Variants in CNTNAP2 observed in about 807,000 individuals in gnomAD.
CNTNAP2 encodes the protein contactin-associated protein-like 2.
Under a neutral mutation model 155.2 loss-of-function variants are expected in CNTNAP2, and 98 were observed. The observed-to-expected ratio is 0.63, with a 90% CI of 0.54 to 0.75. The LOEUF (loss-of-function observed/expected upper bound fraction) is 0.75, where lower values mean the gene tolerates loss of function less well. CNTNAP2 is among the 30% of genes least tolerant of loss of function. The probability of loss-of-function intolerance (pLI) is 0.00; values close to 1 mark genes in which losing one functional copy is unlikely to be tolerated. For synonymous variants in CNTNAP2, 651 were observed against 631.2 expected (o/e 1.03, Z -0.47); for missense variants, 1,727 against 1,688.1 (o/e 1.02, Z -0.40).
At chr7:146,852,118 T>C (rs981375949) in intron 3 of CNTNAP2, among the ~76,000 whole-genome samples, 2 of 152,130 alleles carry the variant, frequency 1.3e-5, no homozygotes, top group Non-Finnish European at 2.9e-5. Flanking sequence ...TTCTGAGACA[T>C]TGGGGGTTGG....
At chr7:148,045,992 A>G (rs574445867) in intron 15 of CNTNAP2, among the ~76,000 whole-genome samples, 52 of 152,382 alleles carry the variant, frequency 3.4e-4, no homozygotes, top group Middle Eastern at 3.4e-3. Context: ...TACATAATAC[A>G]TTATGATCAA....
intron 14 of CNTNAP2, among the ~76,000 whole-genome samples, chr7:147,948,727 T>C (rs892928714): frequency 1.1e-4 from 17 of 151,208 alleles, no homozygotes; most frequent in Non-Finnish European, 1.6e-4. Flanking sequence ...TAGGGCTATG[T>C]CCTGCACAGT....
intron 13 of CNTNAP2, among the ~76,000 whole-genome samples, chr7:147,895,490 T>A (rs531959277): frequency 6.6e-6 from 1 of 152,354 alleles, no homozygotes; most frequent in African/African-American, 2.4e-5. Context: ...TAGCTCTAGT[T>A]AACTTAGAAT....
intron 12 of CNTNAP2, among the ~76,000 whole-genome samples, chr7:147,637,348 A>G (rs573041754): frequency 7.2e-4 from 109 of 152,248 alleles, no homozygotes; most frequent in African/African-American, 2.3e-3. Context: ...CACTGAAGGT[A>G]GAGCAGAGAG....
intron 1 of CNTNAP2, among the ~76,000 whole-genome samples, chr7:146,632,907 G>A (rs537583841): frequency 1.3e-5 from 2 of 150,432 alleles, no homozygotes; most frequent in South Asian, 2.1e-4. Flanking sequence ...TGATGTGGTC[G>A]CTTGAAAGAC....
intron 1 of CNTNAP2, among the ~76,000 whole-genome samples, chr7:146,535,743 C>G (rs1797858991): frequency 6.6e-6 from 1 of 151,768 alleles, no homozygotes. Context: ...CCAAAGGATA[C>G]TTTTCTAACC....
rs76168894 is a variant in CNTNAP2 at position 147,402,712 on chromosome 7, G to A, written c.1670+6932G>A. ...ATAAATCATGGCATATGTGTTGTTG[G>A]GGAGAGGTTAGGCATTAGGGACAGC... On this transcript the variant is annotated intron_variant, in intron 10 of 23. Coordinates refer to ENST00000361727, the MANE Select transcript of CNTNAP2 (RefSeq NM_014141.6). Among the ~76,000 whole-genome samples, 18 of 152,160 alleles carry A rather than the reference G, an allele frequency of 1.2e-4. No individual in the cohort carries two copies. The East Asian group carries it at 3.5e-3, about 30-fold the overall frequency.
rs779453290 is a variant in CNTNAP2 at position 148,365,775 on chromosome 7, T to C, written c.3476-17874T>C. ...ACATGTATGTGTATACGTGTATACA[T>C]GTATGTGTATGCATGTATACATGCA... On this transcript the variant is annotated intron_variant, in intron 21 of 23. Coordinates refer to ENST00000361727, the MANE Select transcript of CNTNAP2 (RefSeq NM_014141.6). Among the ~76,000 whole-genome samples the C allele has an allele frequency of 3.1e-4, 30 of 97,104 alleles. 2 individuals are homozygous for C. The highest frequency in any genetic ancestry group is 1.1e-3 in the African/African-American group (28 of 25,818). The allele number at this position is 97,104 out of a possible 152,430, so 63.7% of individuals were successfully genotyped here. A position where few individuals can be genotyped will look rare whatever the true frequency, so the allele number is the denominator to read the frequency against.
chr7:146,327,180 A>C (rs1252551196), intron 1 of CNTNAP2, among the ~76,000 whole-genome samples: 2 of 152,204 alleles, frequency 1.3e-5, no homozygotes, highest in African/African-American at 4.8e-5. Flanking sequence ...GAAGATATTT[A>C]ATATTTATAG....
At chr7:148,019,490 A>G (rs1330756103) in intron 15 of CNTNAP2, among the ~76,000 whole-genome samples, 1 of 152,052 alleles carries the variant, frequency 6.6e-6, no homozygotes, top group African/African-American at 2.4e-5. Flanking sequence ...GACAGAGTCT[A>G]GCTCTGTCAC....
rs1202805393 is a variant in CNTNAP2, at chr7:146,482,218, A to C, written c.98-292053A>C. On this transcript the variant is annotated intron_variant, in intron 1 of 23. Transcript: ENST00000361727. ...AGGCTAAGAATTAGAAAAAAAAAAA[A>C]AAAAAAAACTCCAGTGAAACAAAAA... 4.6e-5 allele frequency among the ~76,000 whole-genome samples: 7 copies of C among 151,058 alleles called. No individual in the cohort carries two copies. In the East Asian group the frequency reaches 1.4e-3, roughly 29 times the overall value.
At chr7:147,373,779 T>C (rs1796388795) in intron 9 of CNTNAP2, among the ~76,000 whole-genome samples, 3 of 152,108 alleles carry the variant, frequency 2.0e-5, no homozygotes, top group African/African-American at 7.2e-5. Flanking sequence ...CTGTTTTTTC[T>C]GTTTGTTTTT....
At chr7:147,993,408 T>C (rs1021420069) in intron 15 of CNTNAP2, among the ~76,000 whole-genome samples, 13 of 152,354 alleles carry the variant, frequency 8.5e-5, no homozygotes, top group African/African-American at 3.1e-4. Context: ...TTGTTATTAT[T>C]TAAGTACAAC....
chr7:148,308,608 G>A (rs935727782), intron 21 of CNTNAP2, among the ~76,000 whole-genome samples: 3 of 150,604 alleles, frequency 2.0e-5, no homozygotes, highest in African/African-American at 4.9e-5. Flanking sequence ...TAAGTTCTGG[G>A]GTACATGTAC....
At chr7:147,393,847 T>C (rs1238425057) in intron 9 of CNTNAP2, among the ~76,000 whole-genome samples, 1 of 152,010 alleles carries the variant, frequency 6.6e-6, no homozygotes, top group Non-Finnish European at 1.5e-5. Flanking sequence ...TAATAGGAAA[T>C]AATATATACC....
intron 21 of CNTNAP2, among the ~76,000 whole-genome samples, chr7:148,337,210 C>T (rs1475379132): frequency 6.6e-6 from 1 of 152,100 alleles, no homozygotes; most frequent in African/African-American, 2.4e-5. Context: ...GCCCCTGCTG[C>T]TCCCCCTCCC....
chr7:146,960,680 C>G (rs1311302507), intron 3 of CNTNAP2, among the ~76,000 whole-genome samples: 1 of 152,182 alleles, frequency 6.6e-6, no homozygotes, highest in African/African-American at 2.4e-5. Context: ...TCACTGCAAA[C>G]AATAGACAAA....
At chr7:147,388,956 A>G (rs1016427568) in intron 9 of CNTNAP2, among the ~76,000 whole-genome samples, 1 of 152,066 alleles carries the variant, frequency 6.6e-6, no homozygotes, top group South Asian at 2.1e-4. Context: ...TATTTGCCCA[A>G]TCAACCTGTA....
At chr7:147,600,911 T>C (rs1800930980) in intron 12 of CNTNAP2, among the ~76,000 whole-genome samples, 1 of 152,196 alleles carries the variant, frequency 6.6e-6, no homozygotes, top group African/African-American at 2.4e-5. Context: ...GGTGATAACA[T>C]GAGGGTAGTC....
Sources: allele counts gnomAD v4.1 joint callset (sites outside exome capture counted in the v4.1 genomes callset), GRCh38; gene constraint gnomAD v4.1.1; transcripts MANE v1.5; gene names NCBI Gene and HGNC (gene_info 2026-07-23, HGNC 2026-07-21).